Variants in GAS7 observed in about 807,000 individuals in gnomAD.
The protein encoded by GAS7 is growth arrest-specific protein 7.
GAS7 carries 28 observed loss-of-function variants against 71.1 expected under a neutral mutation model. The observed-to-expected ratio is 0.39, with a 90% CI of 0.29 to 0.54. The LOEUF is 0.54. GAS7 is among the 20% of genes least tolerant of loss of function. The probability of loss-of-function intolerance (pLI) is 0.62; values close to 1 mark genes in which losing one functional copy is unlikely to be tolerated. For synonymous variants in GAS7, 258 were observed against 245.8 expected, an observed-to-expected ratio of 1.05 and a Z score of -0.46; for missense variants, 436 against 627.8, an observed-to-expected ratio of 0.69 and a Z score of 3.27.
intron 1 of GAS7, among the ~76,000 whole-genome samples, chr17:10,155,976 G>T (rs899075796): frequency 2.0e-5 from 3 of 152,154 alleles, no homozygotes; most frequent in African/African-American, 7.2e-5. Context: ...CTCACCAAGA[G>T]TCAGGTTCGA....
chr17:10,093,254 A>G (rs2073603653), intron 1 of GAS7, among the ~76,000 whole-genome samples: 1 of 152,128 alleles, frequency 6.6e-6, no homozygotes, highest in South Asian at 2.1e-4. Context: ...CATATCTAAT[A>G]TCCTGAGCCT....
chr17:10,097,972 A>C (rs1162911066), intron 1 of GAS7, among the ~76,000 whole-genome samples: 4 of 151,382 alleles, frequency 2.6e-5, no homozygotes, highest in African/African-American at 9.7e-5. Flanking sequence ...TGAACCCAGG[A>C]GGCAGAGGTC....
At chr17:10,166,615 A>AC (rs1809772146) in intron 1 of GAS7, among the ~76,000 whole-genome samples, 1 of 152,218 alleles carries the variant, frequency 6.6e-6, no homozygotes, top group African/African-American at 2.4e-5. Flanking sequence ...TTATGTGCAC[A>AC]CACACATTTT....
chr17:10,098,448 G>GGGTGATGA (rs1403242387), intron 1 of GAS7, among the ~76,000 whole-genome samples: 1 of 152,256 alleles, frequency 6.6e-6, no homozygotes, highest in Non-Finnish European at 1.5e-5. Context: ...CGAGGATGCA[G>GGGTGATGA]GGTGATGAGG....
chr17:10,078,075 GTGTGTTTTGTTT>G (rs1052267454), intron 1 of GAS7, among the ~76,000 whole-genome samples: 1 of 114,434 alleles, frequency 8.7e-6, no homozygotes, highest in Admixed American at 8.6e-5. Flanking sequence ...GTGTGTGTGT[GTGTGTTTTGTTT>G]TGTTTTGTTT....
At chr17:10,046,837 G>GAA (rs2072974623) in intron 1 of GAS7, among the ~76,000 whole-genome samples, 1 of 107,604 alleles carries the variant, frequency 9.3e-6, no homozygotes, top group African/African-American at 4.5e-5. Context: ...AGGAAGGAAG[G>GAA]AAGGAAGGAA....
intron 5 of GAS7, among the ~76,000 whole-genome samples, chr17:9,957,273 T>C (rs1034439423): frequency 6.6e-6 from 1 of 152,214 alleles, no homozygotes; most frequent in African/African-American, 2.4e-5. Flanking sequence ...TCTTGGAGGC[T>C]TGAGAATACA....
rs569835926 is a variant in GAS7, at chr17:10,103,125, G to A, written c.184-83228C>T. On this transcript the variant is annotated intron_variant, in intron 1 of 13. Transcript: ENST00000432992. The surrounding 1 kb of genome is among the most constrained non-coding windows in gnomAD (Gnocchi z 5.5). ...CCAGCATTTTGGGAGGCCGAGGTGG[G>A]CAGATTGCTAAGAGCCCAGGAGTTT... Among the ~76,000 whole-genome samples, 40 of 152,184 alleles carry A rather than the reference G, an allele frequency of 2.6e-4. No individual in the cohort carries two copies. In the East Asian group the frequency reaches 6.4e-3, roughly 24 times the overall value.
chr17:9,968,046 T>C (rs916044214), intron 4 of GAS7, among the ~76,000 whole-genome samples: 1 of 152,226 alleles, frequency 6.6e-6, no homozygotes, highest in African/African-American at 2.4e-5. Flanking sequence ...ATATTCTTCC[T>C]GATGATGCCC....
intron 1 of GAS7, among the ~76,000 whole-genome samples, chr17:10,188,274 T>C (rs1277958033): frequency 6.6e-6 from 1 of 152,188 alleles, no homozygotes; most frequent in East Asian, 1.9e-4. Context: ...TCAATATAGT[T>C]ACTGAACCCC....
intron 8 of GAS7, among the ~76,000 whole-genome samples, chr17:9,936,868 C>T (rs996792386): frequency 3.3e-5 from 5 of 152,104 alleles, no homozygotes; most frequent in Non-Finnish European, 5.9e-5. Flanking sequence ...AATAAACAAC[C>T]GAATTCTGTT....
At chr17:9,984,539 C>G (rs896979675) in intron 2 of GAS7, among the ~76,000 whole-genome samples, 5 of 152,158 alleles carry the variant, frequency 3.3e-5, no homozygotes, top group African/African-American at 1.2e-4. Context: ...AGGAGCTTCT[C>G]CAAGGGACCC....
chr17:10,144,724 T>G (rs539114011), intron 1 of GAS7, among the ~76,000 whole-genome samples: 5 of 152,024 alleles, frequency 3.3e-5, no homozygotes, highest in Admixed American at 2.0e-4. Flanking sequence ...TGGAAAACAT[T>G]TTTTCTAGAG....
chr17:10,198,126 C>T, intron 1 of GAS7, 82 bp downstream of exon 1: 3 of 1,363,848 alleles, frequency 2.2e-6, no homozygotes, highest in Non-Finnish European at 3.1e-6. Context: ...GACGCTGCGG[C>T]ATCCCCGGAA....
intron 1 of GAS7, among the ~76,000 whole-genome samples, chr17:10,166,316 C>A (rs945586974): frequency 6.6e-6 from 1 of 152,204 alleles, no homozygotes; most frequent in Non-Finnish European, 1.5e-5. Flanking sequence ...AGTCACCACA[C>A]CAGGTGACTT....
intron 5 of GAS7, among the ~76,000 whole-genome samples, chr17:9,952,458 C>G (rs1399300728): frequency 2.6e-5 from 4 of 152,038 alleles, no homozygotes. Context: ...ATGGCATGAT[C>G]TCAGCTCACT....
Position 9,961,176 on chromosome 17 carries a change from C to T in GAS7, c.472-1921G>A, listed in dbSNP as rs979636223. Among the ~76,000 whole-genome samples, 8 of 152,326 alleles carry T rather than the reference C, an allele frequency of 5.3e-5. 1 individual carries two copies. Among genetic ancestry groups the T allele is most frequent in the African/African-American group, 9.6e-5 (4 of 41,564 alleles). On this transcript the variant is annotated intron_variant, in intron 4 of 13. Transcript: ENST00000432992. Reference sequence around the variant, plus strand: ...ATGGCAACTCCTCTAGTGACCCCAACGGGCTCCTGGCCAACGTCAACTTTA... The same window carrying T: ...ATGGCAACTCCTCTAGTGACCCCAATGGGCTCCTGGCCAACGTCAACTTTA...
At chr17:10,158,711 T>C (rs992448341) in intron 1 of GAS7, among the ~76,000 whole-genome samples, 7 of 152,088 alleles carry the variant, frequency 4.6e-5, no homozygotes, top group East Asian at 2.0e-4. Flanking sequence ...ACTGTAATTC[T>C]TGCAACTCTT....
chr17:10,064,311 T>TG (rs1371447088), intron 1 of GAS7, among the ~76,000 whole-genome samples: 2 of 152,304 alleles, frequency 1.3e-5, no homozygotes, highest in Non-Finnish European at 2.9e-5. Flanking sequence ...AAGCACACCG[T>TG]GGGGGTCTGT....
Sources: allele counts gnomAD v4.1 joint callset (sites outside exome capture counted in the v4.1 genomes callset), GRCh38; gene constraint gnomAD v4.1.1; non-coding constraint Gnocchi (gnomAD v3.1); transcripts MANE v1.5; gene names NCBI Gene and HGNC (gene_info 2026-07-23, HGNC 2026-07-21).